Variants in LIPA observed in about 807,000 individuals in gnomAD.
The protein encoded by LIPA is lipase A, lysosomal acid type, also known as lysosomal acid lipase/cholesteryl ester hydrolase.
Under a neutral mutation model 40.6 loss-of-function variants are expected in LIPA, and 26 were observed. That is an observed-to-expected ratio of 0.64 (90% confidence interval 0.47 to 0.89). The LOEUF (loss-of-function observed/expected upper bound fraction) is 0.89. LIPA is among the 40% of genes least tolerant of loss of function. LIPA has a pLI of 0.00. For synonymous variants in LIPA, 188 were observed against 168.4 expected, an observed-to-expected ratio of 1.12 and a Z score of -0.90; for missense variants, 455 against 479.6, an observed-to-expected ratio of 0.95 and a Z score of 0.48.
chr10:89,279,128 A>T (rs1303699056), intron 1 of LIPA, among the ~76,000 whole-genome samples: 1 of 152,190 alleles, frequency 6.6e-6, no homozygotes, highest in East Asian at 1.9e-4. Flanking sequence ...TAACCCCCAA[A>T]GGGAGATGAG....
chr10:89,238,490 T>C (rs1432221121), intron 3 of LIPA, among the ~76,000 whole-genome samples: 1 of 152,022 alleles, frequency 6.6e-6, no homozygotes, highest in East Asian at 1.9e-4. Context: ...TCTAGGGAAA[T>C]GAAAAAAGGA....
At chr10:89,376,535 AAAGAG>A (rs1844122920) in intron 2 of LIPA, among the ~76,000 whole-genome samples, 1 of 152,226 alleles carries the variant, frequency 6.6e-6, no homozygotes, top group Non-Finnish European at 1.5e-5. Flanking sequence ...CCCTGAAAAG[AAAGAG>A]AAGAGCTGCC....
chr10:89,378,254 T>C, intron 2 of LIPA: 1 of 1,045,384 alleles, frequency 9.6e-7, no homozygotes, highest in Admixed American at 1.8e-5. Flanking sequence ...GTCCCACTGG[T>C]GGTTCTGACC....
chr10:89,255,812 A>G (rs1437096576), upstream of LIPA, among the ~76,000 whole-genome samples: 2 of 152,184 alleles, frequency 1.3e-5, no homozygotes, highest in Non-Finnish European at 2.9e-5. Flanking sequence ...ACCTGTGTCA[A>G]CTCAGGCCAT....
intron 2 of LIPA, chr10:89,403,973 T>C (rs1168350527): frequency 2.9e-6 from 1 of 339,258 alleles, no homozygotes; most frequent in African/African-American, 2.1e-5. Flanking sequence ...AAATAAAACA[T>C]TGGACTTACA....
chr10:89,392,663 A>G (rs909758610), intron 2 of LIPA: 8 of 1,606,120 alleles, frequency 5.0e-6, no homozygotes, highest in Non-Finnish European at 6.8e-6. Flanking sequence ...ATCTCAGAGG[A>G]GCCTGGCTAA....
At chr10:89,355,876 T>C (rs115748727) in intron 2 of LIPA, among the ~76,000 whole-genome samples, 4,626 of 152,334 alleles carry the variant, frequency 0.03, 126 homozygotes, top group African/African-American at 0.071. Flanking sequence ...TTAACCTATA[T>C]GGTCTAAAAG....
At chr10:89,305,125 A>T (rs1843470374) in intron 1 of LIPA, among the ~76,000 whole-genome samples, 2 of 152,214 alleles carry the variant, frequency 1.3e-5, no homozygotes, top group Non-Finnish European at 2.9e-5. Flanking sequence ...ATTACATTTT[A>T]TTCCAAAATA....
chr10:89,256,196 G>C (rs114493016), upstream of LIPA, among the ~76,000 whole-genome samples: 1,165 of 152,350 alleles, frequency 7.6e-3, 12 homozygotes, highest in African/African-American at 0.027. Context: ...GAGCAGAGCA[G>C]AGGTAGGACA....
At chr10:89,396,890 C>G (rs1406381597) in intron 2 of LIPA, among the ~76,000 whole-genome samples, 2 of 152,144 alleles carry the variant, frequency 1.3e-5, no homozygotes, top group South Asian at 2.1e-4. Flanking sequence ...GGAGAATTGT[C>G]TACTCAAGTC....
intron 2 of LIPA, among the ~76,000 whole-genome samples, chr10:89,387,537 G>A (rs1844219522): frequency 6.6e-6 from 1 of 152,084 alleles, no homozygotes; most frequent in African/African-American, 2.4e-5. Context: ...AATGAAAACA[G>A]TGGATGGATA....
At chr10:89,253,476 G>A (rs1039145814), upstream of LIPA, among the ~76,000 whole-genome samples, 1 of 152,142 alleles carries the variant, frequency 6.6e-6, no homozygotes, top group African/African-American at 2.4e-5. Context: ...CTGCCCCCAT[G>A]ATTCAGTTAT....
At chr10:89,355,756 C>G (rs77295092) in intron 2 of LIPA, among the ~76,000 whole-genome samples, 25 of 152,226 alleles carry the variant, frequency 1.6e-4, no homozygotes, top group African/African-American at 5.8e-4. Context: ...ATCCTCACTG[C>G]TCATTATATG....
intron 2 of LIPA, among the ~76,000 whole-genome samples, chr10:89,369,118 A>C (rs1288907904): frequency 6.6e-6 from 1 of 152,172 alleles, no homozygotes; most frequent in East Asian, 1.9e-4. Context: ...TCTACGGCAA[A>C]GGAAAAACTC....
At chr10:89,283,651 C>T (rs1459877973) in intron 1 of LIPA, 2 of 152,226 alleles carry the variant, frequency 1.3e-5, no homozygotes, top group Non-Finnish European at 2.9e-5. Context: ...AAGATTAAAG[C>T]TCTCCCTGCT....
rs978618242 is a variant in LIPA, at chr10:89,383,505, G to A, written c.61+29286C>T. The A allele has an allele frequency of 9.9e-6, 16 of 1,614,060 alleles. No homozygotes were observed. The Admixed American group carries it at 2.7e-4, about 27-fold the overall frequency. ...ACCTACTAGCCTATGTGAAACACCT[G>A]AAAGGCCAGAATGAGGAAGCCCTGG... On this transcript the variant is annotated intron_variant, in intron 2 of 8. Transcript: ENST00000371837.
chr10:89,239,862 G>C (rs1842945253), intron 3 of LIPA, among the ~76,000 whole-genome samples: 1 of 152,132 alleles, frequency 6.6e-6, no homozygotes, highest in Admixed American at 6.5e-5. Context: ...CGATGCAGCT[G>C]GGAATCAAAC....
intron 2 of LIPA, among the ~76,000 whole-genome samples, chr10:89,401,899 C>A (rs1242099026): frequency 6.6e-6 from 1 of 151,996 alleles, no homozygotes; most frequent in Non-Finnish European, 1.5e-5. Context: ...TTCTGCATTT[C>A]TAACTGACCT....
upstream of LIPA, among the ~76,000 whole-genome samples, chr10:89,347,261 C>T (rs1013295589): frequency 2.6e-5 from 4 of 152,188 alleles, no homozygotes; most frequent in African/African-American, 9.7e-5. Flanking sequence ...TGTGACAACA[C>T]ATGTGAAGCC....
Sources: allele counts gnomAD v4.1 joint callset (sites outside exome capture counted in the v4.1 genomes callset), GRCh38; gene constraint gnomAD v4.1.1; transcripts MANE v1.5; gene names NCBI Gene and HGNC (gene_info 2026-07-23, HGNC 2026-07-21).